The following BDP1 variants were observed in gnomAD, a reference collection of about 807,000 sequenced individuals.
BDP1 encodes the protein transcription factor TFIIIB component B'' homolog.
A neutral mutation model predicts 266.6 loss-of-function variants in BDP1; 169 were observed. The ratio of observed to expected loss-of-function variants is 0.63; its 90% CI spans 0.56 to 0.72. The LOEUF (loss-of-function observed/expected upper bound fraction) is 0.72, where lower values mean the gene tolerates loss of function less well. Ranked by LOEUF, BDP1 falls within the 30% of genes least tolerant of loss-of-function variation. The probability of loss-of-function intolerance (pLI) is 0.00; values close to 1 mark genes in which losing one functional copy is unlikely to be tolerated. For synonymous variants in BDP1, 1,090 were observed against 1,022.4 expected, an observed-to-expected ratio of 1.07 and a Z score of -1.26; for missense variants, 3,015 against 3,053.8, an observed-to-expected ratio of 0.99 and a Z score of 0.30.
At chr5:71,540,555 TG>T (rs1252784561) in intron 28 of BDP1, among the ~76,000 whole-genome samples, 1 of 152,180 alleles carries the variant, frequency 6.6e-6, no homozygotes, top group East Asian at 1.9e-4. Flanking sequence ...CTCGAACTGC[TG>T]ACCTCAGGTG....
chr5:71,512,434 A>C lies in BDP1; in HGVS notation c.4247+6A>C, dbSNP rs1404902084. On this transcript the variant is annotated splice_donor_region_variant and intron_variant, in intron 18 of 38. Coordinates refer to ENST00000358731, the MANE Select transcript of BDP1 (RefSeq NM_018429.3). The stretch of plus-strand genomic sequence containing the variant: ...TTTTCAGATATTAATTTAAGGTACA[A>C]GTGTGTTTTTAAAGAAAAAGATATT... The C allele has an allele frequency of 6.7e-7, 1 of 1,499,772 alleles. No individual in the cohort carries two copies. The highest frequency in any genetic ancestry group is 1.4e-5 in the African/African-American group (1 of 70,758). 92.9% of individuals were successfully genotyped at this position (1,499,772 alleles called of 1,614,324 possible). A position where few individuals can be genotyped will look rare whatever the true frequency, so the allele number is the denominator to read the frequency against.
intron 25 of BDP1, among the ~76,000 whole-genome samples, chr5:71,526,007 C>T (rs1474691044): frequency 6.6e-5 from 10 of 152,178 alleles, no homozygotes; most frequent in Admixed American, 6.5e-4. Flanking sequence ...GGCGGCCAGG[C>T]AGAGACGCTC....
Position 71,554,954 on chromosome 5 carries a change from C to CT in BDP1, c.7200+1637dup, listed in dbSNP as rs1232598124. ...TCTGAAATGCTTCAATGAGCATTTC[C>CT]TTTGAGTGTCATGTCAGCACTCAAA... On this transcript the variant is annotated intron_variant, in intron 35 of 38. Coordinates refer to ENST00000358731, the MANE Select transcript of BDP1 (RefSeq NM_018429.3). 2.0e-5 allele frequency among the ~76,000 whole-genome samples: 3 copies of CT among 152,064 alleles called. No homozygotes were observed. The East Asian group carries it at 5.8e-4, about 29-fold the overall frequency.
chr5:71,532,349 T>G lies in BDP1; in HGVS notation c.5814T>G (p.Ala1938=). The change falls in exon 26 of 39, where the codon GCT becomes GCG. Residue 1938 remains alanine (A), a synonymous_variant. Coordinates refer to ENST00000358731, the MANE Select transcript of BDP1 (RefSeq NM_018429.3). ...ATGTCCCAGATGTAGGATGCATAGC[T>G]GTTGTTGAACATGAGCTACCAAACA... The part of the protein sequence containing the change: ...TVNVPDVGCI[A]VVEHELPNTD... 1.9e-6 allele frequency: 3 copies of G among 1,613,606 alleles called. No individual in the cohort carries two copies. Among genetic ancestry groups the G allele is most frequent in the Non-Finnish European group, 2.5e-6 (3 of 1,179,640 alleles).
In BDP1 at chr5:71,531,584, A is replaced by G. The variant is rs372025097; in HGVS notation, c.5773-724A>G. ...AGTGCAGTGGCATAATCTCGGCTCA[A>G]TGCAACCTCCACCTCCTGGGTTCAA... On this transcript the variant is annotated intron_variant, in intron 25 of 38. Coordinates refer to ENST00000358731, the MANE Select transcript of BDP1 (RefSeq NM_018429.3). Among the ~76,000 whole-genome samples, 125 of 151,894 alleles carry G rather than the reference A, an allele frequency of 8.2e-4. No homozygotes were observed. The Middle Eastern group carries it at 0.01, about 12-fold the overall frequency.
chr5:71,481,705 A>G (rs760293313), intron 7 of BDP1, among the ~76,000 whole-genome samples: 3 of 152,182 alleles, frequency 2.0e-5, no homozygotes, highest in Admixed American at 1.3e-4. Context: ...CCTTTCTCCA[A>G]TGGGATTTCT....
chr5:71,524,167 GGAA>G lies in BDP1; in HGVS notation c.5622_5624del (p.Glu1874del), dbSNP rs774535415. On this transcript the variant is annotated inframe_deletion, in exon 25 of 39. Coordinates refer to ENST00000358731, the MANE Select transcript of BDP1 (RefSeq NM_018429.3). Reference sequence around the variant, plus strand: ...TGCTGGTGACTCTTCGGGCTTCCCAGGAAGAAGATGATGATGCTGACGATTTTG... The same window carrying G: ...TGCTGGTGACTCTTCGGGCTTCCCAGGAAGATGATGATGCTGACGATTTTG... 1.1e-5 allele frequency: 17 copies of G among 1,614,170 alleles called. No homozygotes were observed. In the African/African-American group the frequency reaches 2.0e-4, roughly 19 times the overall value.
chr5:71,556,342 C>CT (rs1002995832), intron 35 of BDP1, among the ~76,000 whole-genome samples: 23 of 150,940 alleles, frequency 1.5e-4, no homozygotes, highest in African/African-American at 5.3e-4. Flanking sequence ...TAGTGCACAT[C>CT]TTTTTTTTTA....
chr5:71,501,636 A>C lies in BDP1; in HGVS notation c.2031A>C (p.Glu677Asp), dbSNP rs750815068. ...AGACTACAGAGAGAGAGAATCCAGA[A>C]GCTGAAACTGTATCTGTGTGAGTAT... is the stretch of plus-strand genomic sequence containing the variant. Reference protein sequence around the residue: ...RMETTERENPEAETVSVLGEK... With the variant: ...RMETTERENPDAETVSVLGEK... Residue 677 changes from glutamate to aspartate, a missense_variant, in exon 14 of 39, where the codon GAA becomes GAC. Transcript: ENST00000358731. The C allele has an allele frequency of 6.5e-7, 1 of 1,543,754 alleles. No individual in the cohort carries two copies. The highest frequency in any genetic ancestry group is 8.9e-7 in the Non-Finnish European group (1 of 1,117,588).
At chr5:71,476,368 TC>T (rs1291511449) in intron 7 of BDP1, 1 of 152,218 alleles carries the variant, frequency 6.6e-6, no homozygotes, top group Non-Finnish European at 1.5e-5. Context: ...ATGAAGAGAT[TC>T]ATAGAGTACG....
intron 34 of BDP1, among the ~76,000 whole-genome samples, chr5:71,550,737 T>C (rs1440337069): frequency 6.6e-6 from 1 of 152,198 alleles, no homozygotes; most frequent in African/African-American, 2.4e-5. Flanking sequence ...GACAGAATCT[T>C]GCTCTGTTGC....
chr5:71,522,850 TAGA>T lies in BDP1; in HGVS notation c.5294_5296del (p.Glu1765del), dbSNP rs1765578820. On this transcript the variant is annotated inframe_deletion, in exon 24 of 39. Coordinates refer to ENST00000358731, the MANE Select transcript of BDP1 (RefSeq NM_018429.3). ...GCTTTGGCAAAAATAGATGCGGAAT[TAGA>T]AGAAGTTGGACCATCAAGAAGGGTT... The T allele has an allele frequency of 3.1e-6, 5 of 1,613,924 alleles. No individual in the cohort carries two copies. Among genetic ancestry groups the T allele is most frequent in the East Asian group, 2.2e-5 (1 of 44,844 alleles).
the BDP1 span, among the ~76,000 whole-genome samples, chr5:71,575,775 A>G: frequency 6.6e-6 from 1 of 152,232 alleles, no homozygotes. Flanking sequence ...TAACAGTCCT[A>G]CGCTATGTCA....
chr5:71,532,564 G>T, intron 26 of BDP1, 137 bp downstream of exon 26: 1 of 773,012 alleles, frequency 1.3e-6, no homozygotes, highest in Non-Finnish European at 1.9e-6. Context: ...GTTAGTCTGA[G>T]TAGTAAAAAC....
intron 11 of BDP1, among the ~76,000 whole-genome samples, chr5:71,493,661 T>C (rs149713878): frequency 4.3e-4 from 66 of 152,288 alleles, no homozygotes; most frequent in African/African-American, 1.6e-3. Flanking sequence ...AAAGACAGTT[T>C]TAAAAAACAC....
intron 34 of BDP1, among the ~76,000 whole-genome samples, chr5:71,552,444 G>C (rs1252594549): frequency 1.5e-4 from 23 of 151,808 alleles, no homozygotes; most frequent in East Asian, 7.9e-4. Flanking sequence ...CTGCAATCTC[G>C]GCACTTTGGG....
chr5:71,531,821 C>A (rs531010610), intron 25 of BDP1, among the ~76,000 whole-genome samples: 1 of 152,246 alleles, frequency 6.6e-6, no homozygotes, highest in Middle Eastern at 3.4e-3. Flanking sequence ...ATAAATACTT[C>A]TAAGGGCTTT....
chr5:71,560,193 G>A lies in BDP1; in HGVS notation c.7452G>A (p.Gln2484=). The A allele has an allele frequency of 6.2e-7, 1 of 1,614,102 alleles. No homozygotes were observed. Among genetic ancestry groups the A allele is most frequent in the East Asian group, 2.2e-5 (1 of 44,882 alleles). Residue 2484 remains glutamine, a synonymous_variant, in exon 37 of 39, where the codon CAG becomes CAA. Transcript: ENST00000358731. ...GAACTGATGCTGCTCCTAAGTCTCA[G>A]CAAATGGATAGCAGAACATCGTCTT... The part of the protein sequence containing the change: ...EERTDAAPKS[Q]QMDSRTSSSK...
downstream of BDP1, among the ~76,000 whole-genome samples, chr5:71,571,759 G>A (rs749496756): frequency 6.6e-6 from 1 of 152,072 alleles, no homozygotes; most frequent in Non-Finnish European, 1.5e-5. Flanking sequence ...TCAGCCTCCC[G>A]AGTAGCTGGA....
Sources: allele counts gnomAD v4.1 joint callset (sites outside exome capture counted in the v4.1 genomes callset), GRCh38; gene constraint gnomAD v4.1.1; transcripts MANE v1.5; gene names NCBI Gene and HGNC (gene_info 2026-07-23, HGNC 2026-07-21).